Variants in USP47 observed in about 807,000 individuals in gnomAD.
USP47 encodes ubiquitin carboxyl-terminal hydrolase 47.
In USP47, 35 loss-of-function variants were observed where a neutral mutation model predicts 165.1. The observed-to-expected ratio is 0.21, with a 90% confidence interval of 0.16 to 0.28. The LOEUF (loss-of-function observed/expected upper bound fraction) is 0.28. USP47 is among the 10% of genes least tolerant of loss of function. The probability of loss-of-function intolerance (pLI) is 1.00; values close to 1 mark genes in which losing one functional copy is unlikely to be tolerated. For synonymous variants in USP47, 531 were observed against 544.5 expected, an observed-to-expected ratio of 0.98 and a Z score of 0.35; for missense variants, 1,277 against 1,607.4, an observed-to-expected ratio of 0.79 and a Z score of 3.52.
At chr11:11,898,010 C>T (rs1027622221) in intron 5 of USP47, among the ~76,000 whole-genome samples, 13 of 152,058 alleles carry the variant, frequency 8.5e-5, no homozygotes, top group Admixed American at 5.2e-4. Flanking sequence ...TGAGAGAATT[C>T]GAATATATAA....
chr11:11,842,414 C>T (rs1848179825), intron 1 of USP47, among the ~76,000 whole-genome samples, 190 bp downstream of exon 1: 1 of 151,836 alleles, frequency 6.6e-6, no homozygotes, highest in Non-Finnish European at 1.5e-5. Flanking sequence ...CTCTAGGGGC[C>T]GGGGAGCGGA....
In USP47 at chr11:11,874,259, T is replaced by C. The variant is rs534914581; in HGVS notation, c.40-5918T>C. On this transcript the variant is annotated intron_variant, in intron 1 of 27. Transcript: ENST00000527733. The stretch of plus-strand genomic sequence containing the variant: ...GCCTGTGTGCACTACAGACTTAAAC[T>C]TCCATGTGATGTAGCATTCTGGTCT... Among the ~76,000 whole-genome samples the C allele has an allele frequency of 2.6e-5, 4 of 152,346 alleles. No individual in the cohort carries two copies. The South Asian group carries it at 8.3e-4, about 32-fold the overall frequency.
intron 18 of USP47, 115 bp downstream of exon 18, chr11:11,938,487 T>C: frequency 1.3e-6 from 1 of 747,126 alleles, no homozygotes; most frequent in Non-Finnish European, 2.2e-6. Flanking sequence ...TAATTAATAT[T>C]TGTAGTTAGG....
In USP47 at chr11:11,956,795, C is replaced by T. The variant is rs760518998; in HGVS notation, c.*620C>T. The T allele has an allele frequency of 6.6e-6, 1 of 152,602 alleles. No homozygotes were observed. The allele number at this position is 152,602 out of a possible 1,614,324, so 9.5% of individuals were successfully genotyped here. On this transcript the variant is annotated 3_prime_UTR_variant, in exon 28 of 28. Transcript: ENST00000527733. ...AGAACATTATTCTGGAACATCAGAA[C>T]GTTTCCCTTAGACCGATCCCAGCAG...
At position 11,863,750 on chromosome 11, in the gene USP47, T is replaced by C. The variant is rs1361471640; in HGVS notation, c.40-16427T>C. Among the ~76,000 whole-genome samples, 36 of 152,210 alleles carry C rather than the reference T, an allele frequency of 2.4e-4. 3 individuals carry two copies. Among genetic ancestry groups the C allele is most frequent in the Admixed American group, 2.4e-3 (36 of 15,286 alleles). ...TTTTAATGTTAACTTTTACATTGAATAAATCATTTATTTATTTTAATGTTT... is the reference window on the plus strand; with the variant it reads ...TTTTAATGTTAACTTTTACATTGAACAAATCATTTATTTATTTTAATGTTT... On this transcript the variant is annotated intron_variant, in intron 1 of 27. Transcript: ENST00000527733.
At chr11:11,903,129 T>C (rs1852334120) in intron 6 of USP47, 134 bp from the exon 7 acceptor site, 11 of 873,634 alleles carry the variant, frequency 1.3e-5, no homozygotes, top group Non-Finnish European at 1.9e-5. Context: ...GTCATGTATA[T>C]TCTTATGTTC....
At chr11:11,879,742 C>T (rs984196861) in intron 1 of USP47, among the ~76,000 whole-genome samples, 2 of 152,020 alleles carry the variant, frequency 1.3e-5, no homozygotes, top group Non-Finnish European at 2.9e-5. Flanking sequence ...ATCCTTACTG[C>T]ATTTTTGCAC....
At chr11:11,920,602 T>G in intron 10 of USP47, 108 bp downstream of exon 10, 2 of 1,005,798 alleles carry the variant, frequency 2.0e-6, no homozygotes. Context: ...GACTGTCTTC[T>G]TGATGGAAAC....
chr11:11,927,430 C>T (rs1175722146), intron 11 of USP47, among the ~76,000 whole-genome samples: 2 of 152,076 alleles, frequency 1.3e-5, no homozygotes, highest in East Asian at 3.9e-4. Context: ...TGGTTGTTTA[C>T]ATATTATGTA....
intron 1 of USP47, among the ~76,000 whole-genome samples, chr11:11,873,164 G>T (rs901440786): frequency 6.6e-6 from 1 of 152,088 alleles, no homozygotes; most frequent in Non-Finnish European, 1.5e-5. Context: ...AAGTAAAAGC[G>T]CCTTTCAAGA....
At chr11:11,882,448 A>C (rs1850894277) in intron 2 of USP47, among the ~76,000 whole-genome samples, 1 of 152,126 alleles carries the variant, frequency 6.6e-6, no homozygotes, top group Admixed American at 6.6e-5. Flanking sequence ...TTTTTTTAAA[A>C]ATATAGAACT....
chr11:11,903,140 T>C, intron 6 of USP47, 123 bp from the exon 7 acceptor site: 5 of 962,482 alleles, frequency 5.2e-6, no homozygotes, highest in Non-Finnish European at 7.5e-6. Context: ...TCTTATGTTC[T>C]TTTTTAAATT....
intron 1 of USP47, among the ~76,000 whole-genome samples, chr11:11,876,034 C>A (rs774235811): frequency 2.0e-5 from 3 of 152,184 alleles, no homozygotes; most frequent in Non-Finnish European, 2.9e-5. Flanking sequence ...TTGACTTTCC[C>A]CTTAGTCTCA....
intron 21 of USP47, 73 bp downstream of exon 21, chr11:11,948,193 C>G: frequency 2.7e-6 from 4 of 1,472,058 alleles, no homozygotes; most frequent in South Asian, 1.4e-5. Context: ...TTTACTACTT[C>G]CAAGTGAGGT....
chr11:11,884,608 A>G lies in USP47; in HGVS notation c.357+28A>G, dbSNP rs1175373396. On this transcript the variant is annotated intron_variant, in intron 3 of 27. Coordinates refer to ENST00000527733, the MANE Select transcript of USP47 (RefSeq NM_001282659.2). ...AAGCTACTTAGAAAGCCCCATATTT[A>G]TAATTTTTGTGCACTGTCACCTACT... 5.2e-6 allele frequency: 8 copies of G among 1,550,502 alleles called. 1 individual carries two copies. In the Middle Eastern group the frequency reaches 5.1e-4, roughly 100 times the overall value.
chr11:11,852,160 C>A (rs1378117612), intron 1 of USP47, among the ~76,000 whole-genome samples: 1 of 152,180 alleles, frequency 6.6e-6, no homozygotes, highest in Non-Finnish European at 1.5e-5. Context: ...TTTCTGCCCA[C>A]TAATTTTATC....
intron 11 of USP47, among the ~76,000 whole-genome samples, chr11:11,926,813 C>CT (rs974468204): frequency 3.5e-4 from 49 of 138,244 alleles, no homozygotes; most frequent in Middle Eastern, 3.9e-3. Context: ...GAGATGTCTT[C>CT]TTTTTTTTTT....
At chr11:11,946,127 A>G (rs1207085512) in intron 20 of USP47, among the ~76,000 whole-genome samples, 1 of 152,206 alleles carries the variant, frequency 6.6e-6, no homozygotes, top group Admixed American at 6.5e-5. Flanking sequence ...ATTATAGCCA[A>G]TAAATTAACA....
chr11:11,922,590 A>G (rs1853912094), intron 10 of USP47, 134 bp from the exon 11 acceptor site: 2 of 635,936 alleles, frequency 3.1e-6, no homozygotes, highest in Non-Finnish European at 4.7e-6. Context: ...GAGAAAATAA[A>G]TGTACTCAAA....
Sources: allele counts gnomAD v4.1 joint callset (sites outside exome capture counted in the v4.1 genomes callset), GRCh38; gene constraint gnomAD v4.1.1; transcripts MANE v1.5; gene names NCBI Gene and HGNC (gene_info 2026-07-23, HGNC 2026-07-21).